The following NRXN1 variants were observed in gnomAD, a reference collection of about 807,000 sequenced individuals.
NRXN1 encodes neurexin-1.
A neutral mutation model predicts 150.9 loss-of-function variants in NRXN1; 39 were observed. The observed-to-expected ratio is 0.26, with a 90% CI of 0.20 to 0.34. The LOEUF (loss-of-function observed/expected upper bound fraction) is 0.34, where lower values mean the gene tolerates loss of function less well. NRXN1 is among the 10% of genes least tolerant of loss of function. The pLI is 1.00. For synonymous variants in NRXN1, 924 were observed against 757.0 expected, an observed-to-expected ratio of 1.22 and a Z score of -3.62; for missense variants, 1,815 against 1,949.9, an observed-to-expected ratio of 0.93 and a Z score of 1.30.
chr2:50,667,129 T>TA (rs1688171420), intron 5 of NRXN1, among the ~76,000 whole-genome samples: 1 of 151,934 alleles, frequency 6.6e-6, no homozygotes. Context: ...TCTAAAGATT[T>TA]AAAAAATTTA....
chr2:50,951,936 T>C (rs1057407892), intron 2 of NRXN1, among the ~76,000 whole-genome samples: 6 of 139,702 alleles, frequency 4.3e-5, no homozygotes, highest in Non-Finnish European at 7.7e-5. Context: ...AAACTGTACA[T>C]GAATAAATAT....
chr2:50,134,470 A>G (rs1369261955), intron 18 of NRXN1, among the ~76,000 whole-genome samples: 1 of 152,160 alleles, frequency 6.6e-6, no homozygotes, highest in Non-Finnish European at 1.5e-5. Flanking sequence ...ATAAATGCAA[A>G]CCATTAACAA....
intron 17 of NRXN1, among the ~76,000 whole-genome samples, chr2:50,384,315 GC>G (rs936492471): frequency 1.1e-4 from 17 of 151,862 alleles, no homozygotes; most frequent in Admixed American, 6.6e-4. Flanking sequence ...GACTATCCTG[GC>G]CAACACGGTG....
intron 18 of NRXN1, among the ~76,000 whole-genome samples, chr2:50,210,462 A>G (rs1230394260): frequency 6.6e-6 from 1 of 151,756 alleles, no homozygotes; most frequent in East Asian, 1.9e-4. Flanking sequence ...TATGAGTCAT[A>G]GCTATTATTG....
chr2:50,781,708 T>C (rs571661325), intron 5 of NRXN1, among the ~76,000 whole-genome samples: 1 of 152,356 alleles, frequency 6.6e-6, no homozygotes, highest in East Asian at 1.9e-4. Context: ...TCTTTAAATA[T>C]CAAGTTATTC....
At position 50,354,554 on chromosome 2, in the gene NRXN1, CATATATATATAT is replaced by C. The variant is rs71404946; in HGVS notation, c.3364+110876_3364+110887del. Among the ~76,000 whole-genome samples the C allele has an allele frequency of 3.2e-4, 32 of 100,116 alleles. 2 individuals carry two copies. Among genetic ancestry groups the C allele is most frequent in the East Asian group, 1.1e-3 (4 of 3,560 alleles). The allele number at this position is 100,116 out of a possible 152,430, so 65.7% of individuals were successfully genotyped here. ...ACTACCTTAGCGTCTAGAGTGCATA[CATATATATATAT>C]ATATATATATATATATATATACACA... is the stretch of plus-strand genomic sequence containing the variant. On this transcript the variant is annotated intron_variant, in intron 17 of 22. Coordinates refer to ENST00000401669, the MANE Select transcript of NRXN1 (RefSeq NM_001330078.2).
intron 17 of NRXN1, among the ~76,000 whole-genome samples, chr2:50,340,265 A>C (rs1443705983): frequency 6.6e-6 from 1 of 152,048 alleles, no homozygotes. Context: ...TTGTTATGTG[A>C]TCAACACTGA....
At position 50,226,155 on chromosome 2, in the gene NRXN1, T is replaced by A. The variant is rs1281088954; in HGVS notation, c.3546+10634A>T. Among the ~76,000 whole-genome samples the A allele has an allele frequency of 2.6e-5, 4 of 152,126 alleles. No individual in the cohort carries two copies. The East Asian group carries it at 7.8e-4, about 30-fold the overall frequency. On this transcript the variant is annotated intron_variant, in intron 18 of 22. Coordinates refer to ENST00000401669, the MANE Select transcript of NRXN1 (RefSeq NM_001330078.2). The stretch of plus-strand genomic sequence containing the variant: ...GCTCACTAGTTGTGTGACTTTCATT[T>A]CTTCATTAACTACCTGAGTATATAT...
chr2:50,372,880 G>A (rs1026119584), intron 17 of NRXN1, among the ~76,000 whole-genome samples: 1 of 151,912 alleles, frequency 6.6e-6, no homozygotes, highest in Non-Finnish European at 1.5e-5. Context: ...AAAGATAAAA[G>A]GCCAACAACT....
At position 50,711,585 on chromosome 2, in the gene NRXN1, C is replaced by T. The variant is rs370172077; in HGVS notation, c.833-87970G>A. Among the ~76,000 whole-genome samples, 12 of 152,064 alleles carry T rather than the reference C, an allele frequency of 7.9e-5. No individual in the cohort carries two copies. In the South Asian group the frequency reaches 2.5e-3, roughly 32 times the overall value. On this transcript the variant is annotated intron_variant, in intron 5 of 22. Coordinates refer to ENST00000401669, the MANE Select transcript of NRXN1 (RefSeq NM_001330078.2). Reference sequence around the variant, plus strand: ...TCCTGACCTCAGATGATCCAGTCACCTCGGCCTCCCAAAGTGCTGGGATTA... The same window carrying T: ...TCCTGACCTCAGATGATCCAGTCACTTCGGCCTCCCAAAGTGCTGGGATTA...
intron 18 of NRXN1, among the ~76,000 whole-genome samples, chr2:50,182,764 A>G (rs1372203053): frequency 6.6e-6 from 1 of 152,136 alleles, no homozygotes; most frequent in Non-Finnish European, 1.5e-5. Flanking sequence ...AGGTATAAAA[A>G]GAAAGTTATT....
intron 5 of NRXN1, among the ~76,000 whole-genome samples, chr2:50,794,589 CAATT>C (rs1241067300): frequency 6.6e-6 from 1 of 152,034 alleles, no homozygotes; most frequent in African/African-American, 2.4e-5. Flanking sequence ...TAAAAAAAAT[CAATT>C]AAACACAAGG....
At chr2:50,382,153 T>A (rs1429165975) in intron 17 of NRXN1, among the ~76,000 whole-genome samples, 1 of 152,168 alleles carries the variant, frequency 6.6e-6, no homozygotes, top group Non-Finnish European at 1.5e-5. Context: ...AGTAAAGGAA[T>A]GAAGACCTTA....
intron 8 of NRXN1, among the ~76,000 whole-genome samples, chr2:50,565,829 C>T (rs1669760911): frequency 6.6e-6 from 1 of 152,178 alleles, no homozygotes; most frequent in African/African-American, 2.4e-5. Context: ...CCCGTCAATA[C>T]TCTGCCCTTG....
chr2:50,267,742 G>T (rs1335147738), intron 17 of NRXN1, among the ~76,000 whole-genome samples: 2 of 152,152 alleles, frequency 1.3e-5, no homozygotes, highest in Admixed American at 6.5e-5. Context: ...AGCCAAATTA[G>T]AAGTAACCGT....
intron 2 of NRXN1, among the ~76,000 whole-genome samples, chr2:50,952,568 A>T (rs1691571908): frequency 6.6e-6 from 1 of 152,214 alleles, no homozygotes; most frequent in African/African-American, 2.4e-5. Flanking sequence ...AACAAGTCTG[A>T]CATGATCTAT....
At chr2:50,532,959 A>G (rs925594694) in intron 10 of NRXN1, among the ~76,000 whole-genome samples, 6 of 152,180 alleles carry the variant, frequency 3.9e-5, no homozygotes, top group Admixed American at 2.6e-4. Context: ...AATTTTCATT[A>G]TTTTGCCTAC....
chr2:50,651,492 G>C (rs79714080), intron 5 of NRXN1, among the ~76,000 whole-genome samples: 1 of 148,752 alleles, frequency 6.7e-6, no homozygotes. Flanking sequence ...GACATGACAT[G>C]ACATGACATG....
intron 5 of NRXN1, among the ~76,000 whole-genome samples, chr2:50,738,265 A>G (rs1182187638): frequency 1.3e-5 from 2 of 152,228 alleles, no homozygotes; most frequent in Non-Finnish European, 2.9e-5. Context: ...ATGACACTGC[A>G]TCATCAAACT....
Sources: allele counts gnomAD v4.1 joint callset (sites outside exome capture counted in the v4.1 genomes callset), GRCh38; gene constraint gnomAD v4.1.1; transcripts MANE v1.5; gene names NCBI Gene and HGNC (gene_info 2026-07-23, HGNC 2026-07-21).